The following DMD variants were observed in gnomAD, a reference collection of about 807,000 sequenced individuals.
DMD encodes mutant dystrophin.
A neutral mutation model predicts 330.1 loss-of-function variants in DMD; 63 were observed. The ratio of observed to expected loss-of-function variants is 0.19; its 90% CI spans 0.16 to 0.24. The LOEUF (loss-of-function observed/expected upper bound fraction) is 0.24, where lower values mean the gene tolerates loss of function less well. DMD is among the 10% of genes least tolerant of loss of function. The pLI is 1.00. For synonymous variants in DMD, 1,223 were observed against 959.8 expected (o/e 1.27, Z -5.07); for missense variants, 3,344 against 2,684.1 (o/e 1.25, Z -5.43).
intron 13 of DMD, among the ~76,000 whole-genome samples, chrX:32,577,794 C>T (rs776052041): frequency 7.1e-5 from 8 of 112,394 alleles, no homozygotes; most frequent in Non-Finnish European, 1.1e-4. Flanking sequence ...GAATCTAAGT[C>T]ACTTCTGTAG....
At chrX:32,021,393 G>A (rs1413727249) in intron 44 of DMD, among the ~76,000 whole-genome samples, 2 of 111,822 alleles carry the variant, frequency 1.8e-5, no homozygotes, top group Non-Finnish European at 3.8e-5. Context: ...AATGAGCATT[G>A]TTTACTAGAA....
chrX:31,201,974 C>T (rs776127090), intron 67 of DMD, among the ~76,000 whole-genome samples: 6 of 111,507 alleles, frequency 5.4e-5, no homozygotes, highest in African/African-American at 2.0e-4. Flanking sequence ...AGGTGGATTG[C>T]TTGAGATCAG....
At chrX:32,067,733 C>A (rs1410174728) in intron 44 of DMD, among the ~76,000 whole-genome samples, 1 of 111,889 alleles carries the variant, frequency 8.9e-6, no homozygotes, top group South Asian at 3.7e-4. Flanking sequence ...ATGTGTACAA[C>A]ATTTACTTTA....
intron 45 of DMD, among the ~76,000 whole-genome samples, chrX:31,960,504 T>G (rs1477783642): frequency 9.0e-6 from 1 of 111,476 alleles, no homozygotes; most frequent in Non-Finnish European, 1.9e-5. Flanking sequence ...CTCCTGTCAC[T>G]TTTTCTCTCT....
chrX:32,716,323 G>C (rs1395767743), intron 7 of DMD, among the ~76,000 whole-genome samples: 1 of 110,306 alleles, frequency 9.1e-6, no homozygotes, highest in Non-Finnish European at 1.9e-5. Context: ...ATGAGATCTG[G>C]TTGTTTAAAA....
chrX:32,886,742 G>T (rs1016711866), intron 2 of DMD, among the ~76,000 whole-genome samples: 1 of 111,662 alleles, frequency 9.0e-6, no homozygotes, highest in Non-Finnish European at 1.9e-5. Flanking sequence ...TGTCTAAAAG[G>T]AAACAAAATG....
intron 29 of DMD, among the ~76,000 whole-genome samples, chrX:32,423,029 G>T (rs1035340846): frequency 1.4e-4 from 16 of 110,728 alleles, no homozygotes; most frequent in African/African-American, 5.2e-4. Flanking sequence ...TTAACATAAA[G>T]ATATAAACTC....
intron 43 of DMD, among the ~76,000 whole-genome samples, chrX:32,275,589 G>T (rs1204944455): frequency 8.9e-6 from 1 of 111,970 alleles, no homozygotes; most frequent in Non-Finnish European, 1.9e-5. Flanking sequence ...GTGTTTAGGT[G>T]AACTGGTAAG....
In DMD at chrX:32,515,542, G is replaced by A. The variant is rs974763148; in HGVS notation, c.2292+2466C>T. ...ATCAAATCCCCTTGTGATCAAAGGA[G>A]GCTATTTTTTTTGTTTGTTTCATTA... is the stretch of plus-strand genomic sequence containing the variant. On this transcript the variant is annotated intron_variant, in intron 18 of 78. Coordinates refer to ENST00000357033, the MANE Select transcript of DMD (RefSeq NM_004006.3). Among the ~76,000 whole-genome samples, 12 of 111,252 alleles carry A rather than the reference G, an allele frequency of 1.1e-4. No homozygotes were observed. In the Admixed American group the frequency reaches 1.1e-3, roughly 11 times the overall value.
At chrX:31,401,519 GAT>G (rs2061191911) in intron 60 of DMD, among the ~76,000 whole-genome samples, 1 of 111,550 alleles carries the variant, frequency 9.0e-6, no homozygotes. Context: ...CTAAGCACCT[GAT>G]ATAAATGATC....
intron 18 of DMD, among the ~76,000 whole-genome samples, chrX:32,514,784 C>T (rs1189552138): frequency 8.9e-6 from 1 of 112,453 alleles, no homozygotes; most frequent in Non-Finnish European, 1.9e-5. Context: ...CTGACAATGA[C>T]AACATCTACA....
intron 62 of DMD, among the ~76,000 whole-genome samples, chrX:31,287,840 A>C (rs2053349170): frequency 8.9e-6 from 1 of 111,967 alleles, no homozygotes; most frequent in Non-Finnish European, 1.9e-5. Context: ...AATATTTCTC[A>C]TTTATATAAC....
At chrX:32,471,332 T>C (rs1485195319) in intron 22 of DMD, among the ~76,000 whole-genome samples, 1 of 112,120 alleles carries the variant, frequency 8.9e-6, no homozygotes, top group Non-Finnish European at 1.9e-5. Context: ...ATTATTTCTT[T>C]CATTTCCCAT....
chrX:32,162,643 A>G (rs1310316061), intron 44 of DMD, among the ~76,000 whole-genome samples: 2 of 79,734 alleles, frequency 2.5e-5, no homozygotes, highest in African/African-American at 1.0e-4. Flanking sequence ...CTTGTTGCCC[A>G]GGCTGGAATG....
intron 62 of DMD, among the ~76,000 whole-genome samples, chrX:31,280,586 T>C (rs1603290255): frequency 8.9e-6 from 1 of 112,153 alleles, no homozygotes; most frequent in Non-Finnish European, 1.9e-5. Context: ...CAGTTTACTG[T>C]GTGTAAATTT....
Position 31,180,422 on chromosome X carries a change from C to G in DMD, c.10034G>C (p.Arg3345Pro), listed in dbSNP as rs2041036250. Residue 3345 changes from arginine to proline, a missense_variant, in exon 69 of 79, where the codon CGA becomes CCA. Physicochemically the swap from Arg to Pro is moderately radical, Grantham distance 103. Transcript: ENST00000357033. ...GTGCATTTTATGGCCTTTTGCAACT[C>G]GACCAGAAAAAAAGCAGCTTTGGCA... The part of the protein sequence containing the change: ...DICQSCFFSG[R>P]VAKGHKMHYP... 1 of 1,210,475 alleles carries G rather than the reference C, an allele frequency of 8.3e-7. No individual in the cohort carries two copies. Among genetic ancestry groups the G allele is most frequent in the Non-Finnish European group, 1.1e-6 (1 of 894,626 alleles).
At chrX:32,152,082 GA>G (rs1300116949) in intron 44 of DMD, among the ~76,000 whole-genome samples, 1 of 111,774 alleles carries the variant, frequency 8.9e-6, no homozygotes, top group Non-Finnish European at 1.9e-5. Context: ...AATACAAAGT[GA>G]AAGGCAAATT....
rs146121011 is a variant in DMD, at chrX:32,126,287, T to G, written c.6438+90629A>C. Among the ~76,000 whole-genome samples the G allele has an allele frequency of 8.3e-3, 925 of 112,090 alleles. 3 individuals carry two copies. The highest frequency in any genetic ancestry group is 0.013 in the Non-Finnish European group (695 of 53,210). ...AAGGACATTAGCAGTCCAAGTTGAT[T>G]AGGTAAAATGGTCTGACACAGTGAG... is the stretch of plus-strand genomic sequence containing the variant. On this transcript the variant is annotated intron_variant, in intron 44 of 78. Coordinates refer to ENST00000357033, the MANE Select transcript of DMD (RefSeq NM_004006.3).
At chrX:31,872,331 A>G (rs1432000428) in intron 48 of DMD, among the ~76,000 whole-genome samples, 1 of 111,357 alleles carries the variant, frequency 9.0e-6, no homozygotes, top group Non-Finnish European at 1.9e-5. Context: ...TGATAAAGAA[A>G]AGTGATTAAC....
Sources: allele counts gnomAD v4.1 joint callset (sites outside exome capture counted in the v4.1 genomes callset), GRCh38; gene constraint gnomAD v4.1.1; transcripts MANE v1.5; gene names NCBI Gene and HGNC (gene_info 2026-07-23, HGNC 2026-07-21).